PEAK1: variants seen among roughly 807,000 people sequenced by gnomAD.
The protein encoded by PEAK1 is pseudopodium enriched atypical kinase 1.
In PEAK1, 54 loss-of-function variants were observed where a neutral mutation model predicts 124.7. That is an observed-to-expected ratio of 0.43 (90% CI 0.35 to 0.54). PEAK1 has a LOEUF of 0.54. Among genes scored for constraint, PEAK1 ranks in the 20% least tolerant of loss-of-function variants. The probability of loss-of-function intolerance (pLI) is 0.01; values close to 1 mark genes in which losing one functional copy is unlikely to be tolerated. For missense variants in PEAK1, 2,046 were observed against 2,134.5 expected (o/e 0.96, Z 0.82); for synonymous variants, 719 against 760.0 (o/e 0.95, Z 0.89).
At position 77,266,895 on chromosome 15, in the gene PEAK1, G is replaced by A. The variant is rs1046307791; in HGVS notation, c.-274-14369C>T. ...GGGACAGCCAAGGAACTCTGAGTCA[G>A]CTTGTTTTCTCAGTGGGGAGGCTTG... On this transcript the variant is annotated intron_variant, in intron 5 of 9. Transcript: ENST00000682557. Among the ~76,000 whole-genome samples the A allele has an allele frequency of 6.6e-5, 10 of 152,090 alleles. No homozygotes were observed. In the East Asian group the frequency reaches 1.2e-3, roughly 18 times the overall value.
intron 5 of PEAK1, among the ~76,000 whole-genome samples, chr15:77,266,159 A>T (rs899988891): frequency 1.3e-4 from 20 of 152,228 alleles, no homozygotes; most frequent in Non-Finnish European, 1.9e-4. Flanking sequence ...GCTAGATGAC[A>T]AGTTAGTGGG....
intron 6 of PEAK1, among the ~76,000 whole-genome samples, chr15:77,250,846 G>C (rs1370968390): frequency 1.3e-5 from 2 of 152,198 alleles, no homozygotes; most frequent in Admixed American, 6.5e-5. Context: ...TGGGATTACA[G>C]GCCACCGTGC....
chr15:77,248,394 G>A (rs773116028), intron 6 of PEAK1, among the ~76,000 whole-genome samples: 25 of 152,286 alleles, frequency 1.6e-4, no homozygotes, highest in Non-Finnish European at 2.6e-4. Flanking sequence ...TCCGTATTCC[G>A]TTGAATGAAT....
chr15:77,418,771 A>G, intron 1 of PEAK1: 1 of 985,310 alleles, frequency 1.0e-6, no homozygotes, highest in Non-Finnish European at 1.2e-6. Flanking sequence ...TCCACACTGC[A>G]GAGAGCAATA....
chr15:77,269,841 A>C (rs2152953088), intron 5 of PEAK1, among the ~76,000 whole-genome samples: 1 of 152,306 alleles, frequency 6.6e-6, no homozygotes, highest in East Asian at 1.9e-4. Flanking sequence ...CACTGCTTTA[A>C]ATGTGTCCCA....
At chr15:77,419,552 G>A in intron 1 of PEAK1, 1 of 985,198 alleles carries the variant, frequency 1.0e-6, no homozygotes, top group Non-Finnish European at 1.2e-6. Context: ...TCCCGGGTGC[G>A]GGAGCGGGCT....
At chr15:77,170,008 T>C (rs1252757355) in intron 7 of PEAK1, among the ~76,000 whole-genome samples, 1 of 152,180 alleles carries the variant, frequency 6.6e-6, no homozygotes, top group East Asian at 1.9e-4. Context: ...ATGAAGATAA[T>C]AGGGTCATCC....
chr15:77,413,093 G>T (rs2072546002), intron 1 of PEAK1, among the ~76,000 whole-genome samples: 1 of 152,148 alleles, frequency 6.6e-6, no homozygotes, highest in Admixed American at 6.5e-5. Context: ...ATTTAAAAAA[G>T]TACCTTCAGA....
intron 6 of PEAK1, among the ~76,000 whole-genome samples, chr15:77,185,894 T>C (rs1164618742): frequency 1.3e-5 from 2 of 152,194 alleles, no homozygotes; most frequent in African/African-American, 2.4e-5. Context: ...CTGTGTTTTA[T>C]GGACAAAGGA....
intron 2 of PEAK1, chr15:77,335,793 C>T (rs2141279573): frequency 1.0e-6 from 1 of 985,386 alleles, no homozygotes; most frequent in East Asian, 1.1e-4. Flanking sequence ...ACACAGCCCT[C>T]TCACTACTTT....
chr15:77,323,571 T>C (rs993457534), intron 2 of PEAK1, among the ~76,000 whole-genome samples: 1 of 152,216 alleles, frequency 6.6e-6, no homozygotes, highest in Non-Finnish European at 1.5e-5. Context: ...GAATCCAACG[T>C]ACAAGGGACG....
intron 9 of PEAK1, among the ~76,000 whole-genome samples, chr15:77,117,252 G>C (rs2051472669): frequency 6.6e-6 from 1 of 152,168 alleles, no homozygotes; most frequent in Non-Finnish European, 1.5e-5. Flanking sequence ...CACTCTCCAA[G>C]GGCTTGGGAG....
chr15:77,203,038 GAAAAAAAAA>G (rs528246915), intron 6 of PEAK1, among the ~76,000 whole-genome samples: 1 of 80,468 alleles, frequency 1.2e-5, no homozygotes, highest in African/African-American at 4.6e-5. Flanking sequence ...CCCTGTCTCA[GAAAAAAAAA>G]AAAAAAAGAA....
chr15:77,244,752 C>A (rs1464500451), intron 6 of PEAK1, among the ~76,000 whole-genome samples: 2 of 151,934 alleles, frequency 1.3e-5, no homozygotes, highest in Non-Finnish European at 2.9e-5. Context: ...CCATGCCCAG[C>A]TAATTTTTGT....
chr15:77,274,584 A>G (rs1407900366), intron 5 of PEAK1, among the ~76,000 whole-genome samples: 1 of 151,990 alleles, frequency 6.6e-6, no homozygotes, highest in African/African-American at 2.4e-5. Context: ...CTGCAACAAT[A>G]ACCATAAAAT....
intron 5 of PEAK1, among the ~76,000 whole-genome samples, chr15:77,280,276 G>A (rs902132394): frequency 6.6e-6 from 1 of 152,088 alleles, no homozygotes; most frequent in Non-Finnish European, 1.5e-5. Context: ...GGGAGGCGGA[G>A]GCTGCAGTGA....
intron 6 of PEAK1, among the ~76,000 whole-genome samples, chr15:77,207,742 T>C (rs2058728640): frequency 6.6e-6 from 1 of 152,142 alleles, no homozygotes; most frequent in South Asian, 2.1e-4. Context: ...TATATGATAC[T>C]ATAATGGTGG....
intron 2 of PEAK1, chr15:77,350,449 T>A: frequency 1.0e-6 from 1 of 985,404 alleles, no homozygotes; most frequent in Non-Finnish European, 1.2e-6. Flanking sequence ...TCCACTGAAT[T>A]AAGATAGTGT....
intron 2 of PEAK1, among the ~76,000 whole-genome samples, chr15:77,310,086 T>C (rs1024787823): frequency 2.5e-4 from 38 of 152,142 alleles, no homozygotes; most frequent in African/African-American, 8.7e-4. Flanking sequence ...CAATCTCTTA[T>C]GTATGGGTGG....
Sources: gnomAD v4.1 joint callset for allele counts (sites outside exome capture counted in the v4.1 genomes callset) on GRCh38, gnomAD v4.1.1 for gene constraint, MANE v1.5 for transcripts, NCBI Gene and HGNC (gene_info 2026-07-23, HGNC 2026-07-21) for gene names.